Variants in GALNT6 observed in about 807,000 individuals in gnomAD.
GALNT6 encodes the protein GalNAc transferase 6.
GALNT6 carries 51 observed loss-of-function variants against 65.9 expected under a neutral mutation model. The ratio of observed to expected loss-of-function variants is 0.77; its 90% CI spans 0.62 to 0.98. The LOEUF (loss-of-function observed/expected upper bound fraction) is 0.98. GALNT6 is among the 50% of genes least tolerant of loss of function. GALNT6 has a pLI of 0.00. For synonymous variants in GALNT6, 323 were observed against 315.1 expected, an observed-to-expected ratio of 1.02 and a Z score of -0.26; for missense variants, 708 against 803.3, an observed-to-expected ratio of 0.88 and a Z score of 1.43.
intron 3 of GALNT6, among the ~76,000 whole-genome samples, chr12:51,378,572 G>A (rs74093888): frequency 0.011 from 1,563 of 148,374 alleles, 24 homozygotes; most frequent in African/African-American, 0.039. Context: ...AAAGACTCAC[G>A]AAATCTGGGG....
intron 2 of GALNT6, among the ~76,000 whole-genome samples, chr12:51,381,367 C>T (rs1376117376): frequency 1.3e-5 from 2 of 152,232 alleles, no homozygotes; most frequent in Non-Finnish European, 2.9e-5. Flanking sequence ...AGGCTCCACC[C>T]CCAGGCATGT....
In GALNT6 at chr12:51,359,347, G is replaced by A; in HGVS notation, c.1168-15C>T. The A allele has an allele frequency of 1.3e-6, 2 of 1,584,984 alleles. No homozygotes were observed. The highest frequency in any genetic ancestry group is 1.7e-6 in the Non-Finnish European group (2 of 1,159,550). ...CACTGCCACACCTGATGTAAGAGGAGACAGGATGAGGCCTTCAGTGGGCTA... is the reference window on the plus strand; with the variant it reads ...CACTGCCACACCTGATGTAAGAGGAAACAGGATGAGGCCTTCAGTGGGCTA... On this transcript the variant is annotated splice_polypyrimidine_tract_variant and intron_variant, in intron 7 of 11. Coordinates refer to ENST00000356317, the MANE Select transcript of GALNT6 (RefSeq NM_007210.4).
At chr12:51,379,986 A>G (rs1947609602) in intron 2 of GALNT6, 102 bp from the exon 3 acceptor site, 1 of 587,438 alleles carries the variant, frequency 1.7e-6, no homozygotes, top group African/African-American at 1.9e-5. Flanking sequence ...GAGTGGTGGC[A>G]TCACCTTATT....
intron 2 of GALNT6, among the ~76,000 whole-genome samples, chr12:51,384,430 A>C (rs1947763890): frequency 6.6e-6 from 1 of 152,170 alleles, no homozygotes; most frequent in African/African-American, 2.4e-5. Flanking sequence ...AGTGGCTCAC[A>C]CCTGAAATCC....
In GALNT6 at chr12:51,365,728, G is replaced by A. The variant is rs890417427; in HGVS notation, c.665-149C>T. 23 of 669,828 alleles carry A rather than the reference G, an allele frequency of 3.4e-5. No individual in the cohort carries two copies. In the South Asian group the frequency reaches 4.5e-4, roughly 13 times the overall value. 41.5% of individuals were successfully genotyped at this position (669,828 alleles called of 1,614,324 possible). A position where few individuals can be genotyped will look rare whatever the true frequency, so the allele number is the denominator to read the frequency against. On this transcript the variant is annotated intron_variant, in intron 4 of 11. Transcript: ENST00000356317. ...TGTACTGAGCCATTCCACAGAAGCC[G>A]GAGCTGGGGAAGGAGGTTAACAGGG... is the stretch of plus-strand genomic sequence containing the variant.
rs565339713 is a variant in GALNT6, at chr12:51,358,253, G to A, written c.1377C>T (p.Phe459=). The part of the protein sequence containing the change: ...QAAKMAQEKS[F]GDISERLQLR... ...GCTGCAGTCGTTCCGAAATGTCACC[G>A]AAGGATTTCTGTCAATCAAGCCAGC... is the stretch of plus-strand genomic sequence containing the variant. Residue 459 remains phenylalanine, a synonymous_variant, in exon 9 of 12, where the codon TTC becomes TTT. Coordinates refer to ENST00000356317, the MANE Select transcript of GALNT6 (RefSeq NM_007210.4). 6.9e-5 allele frequency: 111 copies of A among 1,613,554 alleles called. 2 individuals are homozygous for A. The South Asian group carries it at 1.1e-3, about 16-fold the overall frequency.
At chr12:51,373,648 G>A (rs755250514) in intron 4 of GALNT6, among the ~76,000 whole-genome samples, 10 of 152,206 alleles carry the variant, frequency 6.6e-5, no homozygotes, top group South Asian at 2.1e-4. Context: ...GAAAGATAAC[G>A]AAAGAACCCA....
Position 51,354,463 on chromosome 12 carries a change from A to G in GALNT6, c.1785T>C (p.Gly595=), listed in dbSNP as rs772990255. 3.1e-6 allele frequency: 5 copies of G among 1,597,702 alleles called. No homozygotes were observed. The highest frequency in any genetic ancestry group is 4.3e-6 in the Non-Finnish European group (5 of 1,173,358). ...QDQLIRNSGS[G]TCLTSQDKKP... Reference sequence around the variant, plus strand: ...TTTTGTCCTGGGATGTCAGGCAGGTACCAGATCCTGAGTTCCTGATGAGCT... The same window carrying G: ...TTTTGTCCTGGGATGTCAGGCAGGTGCCAGATCCTGAGTTCCTGATGAGCT... The change falls in exon 12 of 12, where the codon GGT becomes GGC. Residue 595 remains glycine (G), a synonymous_variant. Transcript: ENST00000356317.
At chr12:51,384,537 C>T (rs34951182) in intron 2 of GALNT6, among the ~76,000 whole-genome samples, 27,089 of 151,704 alleles carry the variant, frequency 0.18, 2,675 homozygotes, top group East Asian at 0.34. Flanking sequence ...ACTAAAAATA[C>T]AAAAATTAGC....
chr12:51,357,418 A>T lies in GALNT6; in HGVS notation c.1533T>A (p.Asp511Glu), dbSNP rs1216344505. The T allele has an allele frequency of 6.2e-7, 1 of 1,613,986 alleles. No individual in the cohort carries two copies. The part of the protein sequence containing the change: ...IKNLGTNQCL[D>E]VGENNRGGKP... ...TCCCCCCGCGGTTGTTCTCACCCAC[A>T]TCCAGGCATTGGTTGGTGCCGAGGT... is the stretch of plus-strand genomic sequence containing the variant. Residue 511 changes from aspartate to glutamate, a missense_variant, in exon 10 of 12, where the codon GAT (aspartate) becomes GAA (glutamate). By Grantham distance (45) the Asp-to-Glu change is conservative. Transcript: ENST00000356317.
Position 51,351,619 on chromosome 12 carries a change from T to G in GALNT6, c.*2760A>C, listed in dbSNP as rs1946615883. ...TGCTCCTTCTAACTCATCCAGCACCTCTTGGAGCATCTCCAGGCTTGCTAT... is the reference window on the plus strand; with the variant it reads ...TGCTCCTTCTAACTCATCCAGCACCGCTTGGAGCATCTCCAGGCTTGCTAT... On this transcript the variant is annotated 3_prime_UTR_variant, in exon 12 of 12. Transcript: ENST00000356317. 6.6e-6 allele frequency: 1 copy of G among 152,246 alleles called. No individual in the cohort carries two copies. Among genetic ancestry groups the G allele is most frequent in the African/African-American group, 2.4e-5 (1 of 41,464 alleles). 9.4% of individuals were successfully genotyped at this position (152,246 alleles called of 1,614,324 possible).
Position 51,379,365 on chromosome 12 carries a change from C to G in GALNT6, c.417G>C (p.Lys139Asn). 3 of 1,563,042 alleles carry G rather than the reference C, an allele frequency of 1.9e-6. No individual in the cohort carries two copies. Among genetic ancestry groups the G allele is most frequent in the Non-Finnish European group, 1.7e-6 (2 of 1,158,574 alleles). Reference protein sequence around the residue: ...ETQEKEEGYKKHCFNAFASDR... With the variant: ...ETQEKEEGYKNHCFNAFASDR... ...CGCTGGCAAAGGCATTGAAACAGTG[C>G]TTCTTATAGCCTTCTTCCTTTTCCT... Residue 139 changes from lysine to asparagine, a missense_variant, in exon 3 of 12, where the codon AAG becomes AAC. Physicochemically the swap from Lys to Asn is moderately conservative, Grantham distance 94. Transcript: ENST00000356317.
At chr12:51,375,122 C>T (rs1001999748) in intron 4 of GALNT6, among the ~76,000 whole-genome samples, 3 of 152,004 alleles carry the variant, frequency 2.0e-5, no homozygotes, top group Non-Finnish European at 2.9e-5. Flanking sequence ...GTGATCCACC[C>T]GCCTCGGCCT....
Position 51,354,145 on chromosome 12 carries a change from G to C in GALNT6, c.*234C>G. 4.7e-6 allele frequency: 2 copies of C among 422,430 alleles called. No individual in the cohort carries two copies. The highest frequency in any genetic ancestry group is 4.7e-5 in the Admixed American group (1 of 21,482). The allele number at this position is 422,430 out of a possible 1,614,324, so 26.2% of individuals were successfully genotyped here. On this transcript the variant is annotated 3_prime_UTR_variant, in exon 12 of 12. Coordinates refer to ENST00000356317, the MANE Select transcript of GALNT6 (RefSeq NM_007210.4). ...CCTACTTTGGGAGCCTCTATTTCTA[G>C]AACAGGAAAACGCTAGGCTAAATAT...
chr12:51,373,776 C>T (rs1440715915), intron 4 of GALNT6, among the ~76,000 whole-genome samples: 1 of 152,228 alleles, frequency 6.6e-6, no homozygotes, highest in African/African-American at 2.4e-5. Flanking sequence ...ACTCTTCACC[C>T]TTCCCTTTCC....
rs1327414744 is a variant in GALNT6, at chr12:51,352,298, C to T, written c.*2081G>A. 2 of 152,372 alleles carry T rather than the reference C, an allele frequency of 1.3e-5. No individual in the cohort carries two copies. Among genetic ancestry groups the T allele is most frequent in the Non-Finnish European group, 2.9e-5 (2 of 68,154 alleles). The allele number at this position is 152,372 out of a possible 1,614,324, so 9.4% of individuals were successfully genotyped here. On this transcript the variant is annotated 3_prime_UTR_variant, in exon 12 of 12. Coordinates refer to ENST00000356317, the MANE Select transcript of GALNT6 (RefSeq NM_007210.4). Reference sequence around the variant, plus strand: ...CAACTCTGCACACTCTTCCTGCCGCCTCAGGCTTTCCAGGACCCTCCCGAG... The same window carrying T: ...CAACTCTGCACACTCTTCCTGCCGCTTCAGGCTTTCCAGGACCCTCCCGAG...
intron 2 of GALNT6, among the ~76,000 whole-genome samples, chr12:51,388,326 A>G (rs1947903592): frequency 1.3e-5 from 2 of 152,186 alleles, no homozygotes; most frequent in South Asian, 4.1e-4. Context: ...AGCCGTATTC[A>G]TATTCCTTGA....
At chr12:51,384,575 C>T (rs1947769815) in intron 2 of GALNT6, among the ~76,000 whole-genome samples, 1 of 151,422 alleles carries the variant, frequency 6.6e-6, no homozygotes, top group South Asian at 2.1e-4. Flanking sequence ...GCCTGTAATC[C>T]CAACTACTCA....
chr12:51,357,393 TC>T lies in GALNT6; in HGVS notation c.1557del (p.Lys520SerfsTer79), dbSNP rs748677519. On this transcript the variant is annotated frameshift_variant, in exon 10 of 12. Transcript: ENST00000356317. LOFTEE classifies it high-confidence loss of function. ...TGGCAGGAGTACATGATGAGGGGCT[TC>T]CCCCCGCGGTTGTTCTCACCCACAT... ...CLDVGENNRG[G>X]KPLIMYSCHG... The T allele has an allele frequency of 1.2e-6, 2 of 1,613,744 alleles. No homozygotes were observed. Among genetic ancestry groups the T allele is most frequent in the South Asian group, 1.1e-5 (1 of 91,058 alleles).
Sources: gnomAD v4.1 joint callset for allele counts (sites outside exome capture counted in the v4.1 genomes callset) on GRCh38, gnomAD v4.1.1 for gene constraint, MANE v1.5 for transcripts, NCBI Gene and HGNC (gene_info 2026-07-23, HGNC 2026-07-21) for gene names.